Variants in PLXDC2 observed in about 807,000 individuals in gnomAD.
PLXDC2 encodes the protein plexin domain-containing protein 2.
In PLXDC2, 40 loss-of-function variants were observed where a neutral mutation model predicts 68.9. The observed-to-expected ratio is 0.58, with a 90% confidence interval of 0.45 to 0.76. The LOEUF (loss-of-function observed/expected upper bound fraction) is 0.76. PLXDC2 is among the 30% of genes least tolerant of loss of function. The pLI, the probability that PLXDC2 is intolerant of heterozygous loss-of-function variation, is 0.00. For missense variants in PLXDC2, 644 were observed against 661.9 expected (o/e 0.97, Z 0.30); for synonymous variants, 243 against 234.2 (o/e 1.04, Z -0.34).
intron 7 of PLXDC2, among the ~76,000 whole-genome samples, chr10:20,170,201 T>C (rs1403489003): frequency 1.3e-5 from 2 of 152,188 alleles, no homozygotes; most frequent in African/African-American, 2.4e-5. Context: ...CCACTTTTTT[T>C]CTTTTTTTAG....
chr10:19,879,490 C>G (rs1476175501), intron 1 of PLXDC2, among the ~76,000 whole-genome samples: 1 of 152,076 alleles, frequency 6.6e-6, no homozygotes, highest in Non-Finnish European at 1.5e-5. Flanking sequence ...TTTAAACGCT[C>G]ATTGTGTACT....
chr10:20,217,667 T>C, intron 11 of PLXDC2, 91 bp downstream of exon 11: 13 of 1,365,304 alleles, frequency 9.5e-6, no homozygotes, highest in Non-Finnish European at 1.2e-5. Context: ...TGTACTGGAA[T>C]AGCTCCTACT....
rs66483508 is a variant in PLXDC2 at position 20,217,596 on chromosome 10, CTTTTTTTTTTTT to C, written c.1273+37_1273+48del. On this transcript the variant is annotated intron_variant, in intron 11 of 13. Transcript: ENST00000377252. ...CAGAAGGTACCCAAGAGATAGTTTG[CTTTTTTTTTTTT>C]TTTTTTTTTTTTTTTTCCCTGAAGG... The C allele has an allele frequency of 1.1e-4, 90 of 785,088 alleles. No homozygotes were observed. The East Asian group carries it at 1.6e-3, about 14-fold the overall frequency. The allele number at this position is 785,088 out of a possible 1,614,324, so 48.6% of individuals were successfully genotyped here.
At chr10:20,178,762 A>G (rs1030618821) in intron 9 of PLXDC2, among the ~76,000 whole-genome samples, 1 of 152,176 alleles carries the variant, frequency 6.6e-6, no homozygotes. Flanking sequence ...CTACTGCAGT[A>G]TTATGGCTAG....
At chr10:19,823,406 C>T (rs997772677) in intron 1 of PLXDC2, among the ~76,000 whole-genome samples, 3 of 151,602 alleles carry the variant, frequency 2.0e-5, no homozygotes, top group Non-Finnish European at 2.9e-5. Context: ...CTCGGCTGGG[C>T]GTGGTGGCTC....
chr10:19,874,585 T>C (rs1837599565), intron 1 of PLXDC2, among the ~76,000 whole-genome samples: 1 of 152,142 alleles, frequency 6.6e-6, no homozygotes, highest in African/African-American at 2.4e-5. Flanking sequence ...ACTTAGAATA[T>C]AAGGTGTCAT....
intron 1 of PLXDC2, among the ~76,000 whole-genome samples, chr10:19,947,275 G>T (rs1214130147): frequency 6.6e-6 from 1 of 152,152 alleles, no homozygotes; most frequent in African/African-American, 2.4e-5. Flanking sequence ...AAACTGTATG[G>T]TAAGAGACTA....
At chr10:19,868,831 T>C (rs546773082) in intron 1 of PLXDC2, among the ~76,000 whole-genome samples, 31 of 152,238 alleles carry the variant, frequency 2.0e-4, no homozygotes, top group Non-Finnish European at 3.7e-4. Context: ...ATATAGAAAT[T>C]ACCAAGATGA....
At chr10:19,997,785 A>G (rs1320792102) in intron 1 of PLXDC2, among the ~76,000 whole-genome samples, 1 of 152,216 alleles carries the variant, frequency 6.6e-6, no homozygotes, top group Non-Finnish European at 1.5e-5. Context: ...CTACTCTCAG[A>G]TTAACTGAAC....
At chr10:20,125,904 C>T (rs911020278) in intron 4 of PLXDC2, among the ~76,000 whole-genome samples, 1 of 147,954 alleles carries the variant, frequency 6.8e-6, no homozygotes, top group Non-Finnish European at 1.5e-5. Flanking sequence ...CTTTCCACTA[C>T]ATTTTTACTC....
At chr10:20,195,072 T>A (rs1482220054) in intron 9 of PLXDC2, among the ~76,000 whole-genome samples, 4 of 152,010 alleles carry the variant, frequency 2.6e-5, no homozygotes, top group African/African-American at 9.7e-5. Flanking sequence ...AGTGAACAAA[T>A]GATTTCATAA....
chr10:19,819,292 T>C (rs2131991927), intron 1 of PLXDC2, among the ~76,000 whole-genome samples: 1 of 152,332 alleles, frequency 6.6e-6, no homozygotes, highest in African/African-American at 2.4e-5. Flanking sequence ...TGGTTTTAAA[T>C]TCCTTGCCAA....
Position 20,077,577 on chromosome 10 carries a change from C to G in PLXDC2, c.541+9338C>G, listed in dbSNP as rs551596877. Among the ~76,000 whole-genome samples, 23 of 152,206 alleles carry G rather than the reference C, an allele frequency of 1.5e-4. No homozygotes were observed. The East Asian group carries it at 4.3e-3, about 28-fold the overall frequency. ...CATTTAATCTGCTAGAATTATTGTT[C>G]AAATGAGAAGCTTCTCCTGAAGGCA... On this transcript the variant is annotated intron_variant, in intron 4 of 13. Coordinates refer to ENST00000377252, the MANE Select transcript of PLXDC2 (RefSeq NM_032812.9).
chr10:20,086,697 T>C (rs1028331117), intron 4 of PLXDC2, among the ~76,000 whole-genome samples: 5 of 152,144 alleles, frequency 3.3e-5, no homozygotes, highest in African/African-American at 1.2e-4. Context: ...TTTCCTCCCC[T>C]TCGAGAACAG....
Position 19,816,985 on chromosome 10 carries a change from T to A in PLXDC2, c.-95T>A. The A allele has an allele frequency of 1.1e-6, 1 of 874,566 alleles. No individual in the cohort carries two copies. Among genetic ancestry groups the A allele is most frequent in the Non-Finnish European group, 1.8e-6 (1 of 555,874 alleles). 54.2% of individuals were successfully genotyped at this position (874,566 alleles called of 1,614,324 possible). A position where few individuals can be genotyped will look rare whatever the true frequency, so the allele number is the denominator to read the frequency against. On this transcript the variant is annotated 5_prime_UTR_variant, in exon 1 of 14. Coordinates refer to ENST00000377252, the MANE Select transcript of PLXDC2 (RefSeq NM_032812.9). The stretch of plus-strand genomic sequence containing the variant: ...GGCCTCCGGGTCCTACCGAGACCGA[T>A]CCGCAGCGTTTGGCCCGGTCGTGCC...
chr10:20,219,190 C>T, intron 12 of PLXDC2, 88 bp downstream of exon 12: 6 of 1,355,042 alleles, frequency 4.4e-6, no homozygotes, highest in Non-Finnish European at 6.0e-6. Flanking sequence ...ATACGGGCTT[C>T]TAGATAAAAG....
At chr10:20,018,320 T>TAA (rs35383656) in intron 2 of PLXDC2, among the ~76,000 whole-genome samples, 55,177 of 151,944 alleles carry the variant, frequency 0.36, 10,175 homozygotes, top group East Asian at 0.55. Context: ...TTGAAATCAG[T>TAA]AAGATATATG....
chr10:20,064,682 A>T, intron 3 of PLXDC2, among the ~76,000 whole-genome samples: 1 of 152,240 alleles, frequency 6.6e-6, no homozygotes, highest in East Asian at 1.9e-4. Flanking sequence ...CTGCATTCAT[A>T]ATCTCAATTG....
chr10:20,020,531 T>C (rs1835290300), intron 2 of PLXDC2, among the ~76,000 whole-genome samples: 1 of 150,416 alleles, frequency 6.6e-6, no homozygotes, highest in South Asian at 2.1e-4. Flanking sequence ...TAACCACCTG[T>C]ATATATGTAT....
Sources: gnomAD v4.1 joint callset for allele counts (sites outside exome capture counted in the v4.1 genomes callset) on GRCh38, gnomAD v4.1.1 for gene constraint, MANE v1.5 for transcripts, NCBI Gene and HGNC (gene_info 2026-07-23, HGNC 2026-07-21) for gene names.